Variants in ANXA8 observed in about 807,000 individuals in gnomAD.
The protein encoded by ANXA8 is VAC-beta.
A neutral mutation model predicts 26.8 loss-of-function variants in ANXA8; 9 were observed. The observed-to-expected ratio is 0.34, with a 90% CI of 0.20 to 0.59. The LOEUF (loss-of-function observed/expected upper bound fraction) is 0.59. Among genes scored for constraint, ANXA8 ranks in the 20% least tolerant of loss-of-function variants. The probability of loss-of-function intolerance (pLI) is 0.84; values close to 1 mark genes in which losing one functional copy is unlikely to be tolerated. For synonymous variants in ANXA8, 39 were observed against 94.8 expected (o/e 0.41, Z 3.42); for missense variants, 83 against 238.5 (o/e 0.35, Z 4.29).
At chr10:47,673,785 T>A in the ANXA8 span, among the ~76,000 whole-genome samples, 2 of 151,506 alleles carry the variant, frequency 1.3e-5, no homozygotes, top group African/African-American at 2.4e-5. Flanking sequence ...TTATTTAATT[T>A]ATTTATTTTT....
At chr10:47,733,235 CTTTCTTTCTTTCTT>C in the ANXA8 span, among the ~76,000 whole-genome samples, 9 of 47,104 alleles carry the variant, frequency 1.9e-4, 1 homozygote, top group Admixed American at 7.0e-4. Context: ...TTCTTTCTCT[CTTTCTTTCTTTCTT>C]TCTTTCTTTC....
At chr10:47,687,328 T>C in the ANXA8 span, among the ~76,000 whole-genome samples, 1 of 150,950 alleles carries the variant, frequency 6.6e-6, no homozygotes, top group African/African-American at 2.4e-5. Context: ...TGGAGTGCAG[T>C]GGCACGATCT....
the ANXA8 span, among the ~76,000 whole-genome samples, chr10:47,966,517 C>T: frequency 0.066 from 9,696 of 146,346 alleles, 1 homozygote; most frequent in African/African-American, 0.23. Context: ...AGTACTAGGC[C>T]TCCAAATCAG....
chr10:47,937,109 C>T, the ANXA8 span, among the ~76,000 whole-genome samples: 11 of 150,022 alleles, frequency 7.3e-5, no homozygotes, highest in African/African-American at 1.9e-4. Flanking sequence ...GTCCTCCTCT[C>T]GCCGCCCAGA....
the ANXA8 span, among the ~76,000 whole-genome samples, chr10:47,652,422 A>G: frequency 1.3e-5 from 2 of 151,442 alleles, no homozygotes; most frequent in Non-Finnish European, 2.9e-5. Context: ...CATGGTGAAA[A>G]CCCATCTCTA....
At chr10:47,940,109 C>T in the ANXA8 span, among the ~76,000 whole-genome samples, 1 of 151,380 alleles carries the variant, frequency 6.6e-6, no homozygotes, top group Non-Finnish European at 1.5e-5. Context: ...TCCTGGCTCC[C>T]TTGTTTCGTG....
chr10:47,650,569 G>A, the ANXA8 span, among the ~76,000 whole-genome samples: 1 of 149,728 alleles, frequency 6.7e-6, no homozygotes, highest in African/African-American at 2.5e-5. Flanking sequence ...CACTTTGGGA[G>A]GCCAAGGTGG....
the ANXA8 span, chr10:47,581,605 CTTCAT>C: frequency 4.4e-6 from 2 of 455,594 alleles, no homozygotes; most frequent in Non-Finnish European, 8.5e-6. Flanking sequence ...AACTGATGTT[CTTCAT>C]TTCTTTTTTT....
At chr10:47,955,077 G>A in the ANXA8 span, among the ~76,000 whole-genome samples, 1 of 146,028 alleles carries the variant, frequency 6.8e-6, no homozygotes, top group African/African-American at 2.5e-5. Context: ...GGAATCATGG[G>A]GGCAGATCTT....
chr10:47,691,030 T>C, the ANXA8 span: 6 of 1,610,872 alleles, frequency 3.7e-6, no homozygotes, highest in African/African-American at 8.0e-5. Flanking sequence ...GCCAGAAGTA[T>C]AATTGTTTAG....
At chr10:47,700,141 A>G in the ANXA8 span, among the ~76,000 whole-genome samples, 1 of 151,984 alleles carries the variant, frequency 6.6e-6, no homozygotes, top group Non-Finnish European at 1.5e-5. Context: ...GTGGCATATA[A>G]AAGTTGATAC....
the ANXA8 span, among the ~76,000 whole-genome samples, chr10:47,560,143 G>T: frequency 1.3e-5 from 2 of 151,732 alleles, no homozygotes; most frequent in African/African-American, 4.9e-5. Flanking sequence ...GAGAGGTCTG[G>T]TTCCTAATTT....
chr10:47,951,264 T>C, the ANXA8 span, among the ~76,000 whole-genome samples: 2 of 150,778 alleles, frequency 1.3e-5, no homozygotes, highest in Non-Finnish European at 2.9e-5. Flanking sequence ...TCTGAATAGC[T>C]TTATAACCGT....
chr10:47,710,134 C>T, the ANXA8 span: 2 of 551,154 alleles, frequency 3.6e-6, no homozygotes, highest in South Asian at 3.0e-5. Flanking sequence ...TACTTTACAA[C>T]ATAAAATACA....
the ANXA8 span, among the ~76,000 whole-genome samples, chr10:47,534,254 TGAACA>T: frequency 4.0e-5 from 5 of 124,862 alleles, 1 homozygote; most frequent in African/African-American, 1.1e-4. Flanking sequence ...CATCCAGCCA[TGAACA>T]CTCCAGGGCG....
At chr10:47,778,669 C>G in the ANXA8 span, among the ~76,000 whole-genome samples, 4 of 151,786 alleles carry the variant, frequency 2.6e-5, no homozygotes. Context: ...TATGGCAACA[C>G]TTTGAGAACC....
chr10:47,909,008 TACAC>T, the ANXA8 span, among the ~76,000 whole-genome samples: 34 of 73,160 alleles, frequency 4.6e-4, 8 homozygotes, highest in African/African-American at 6.3e-4. Flanking sequence ...GTGATGTATG[TACAC>T]ACACACACAC....
the ANXA8 span, among the ~76,000 whole-genome samples, chr10:47,968,863 G>A: frequency 1.8e-3 from 254 of 144,986 alleles, 2 homozygotes; most frequent in African/African-American, 5.8e-3. Flanking sequence ...AGTAATTGTT[G>A]GCACATCCTA....
the ANXA8 span, among the ~76,000 whole-genome samples, chr10:47,495,906 C>T: frequency 9.0e-4 from 137 of 151,576 alleles, 2 homozygotes; most frequent in Non-Finnish European, 7.4e-5. Flanking sequence ...AGAGTGAGAA[C>T]GCAGAGCTGG....
Sources: gnomAD v4.1 joint callset for allele counts (sites outside exome capture counted in the v4.1 genomes callset) on GRCh38, gnomAD v4.1.1 for gene constraint, MANE v1.5 for transcripts, NCBI Gene and HGNC (gene_info 2026-07-23, HGNC 2026-07-21) for gene names.